The following VTI1A variants were observed in gnomAD, a reference collection of about 807,000 sequenced individuals.
The protein encoded by VTI1A is vesicle transport through interaction with t-SNAREs homolog 1A.
VTI1A carries 22 observed loss-of-function variants against 34.9 expected under a neutral mutation model. The ratio of observed to expected loss-of-function variants is 0.63; its 90% CI spans 0.45 to 0.90. The LOEUF (loss-of-function observed/expected upper bound fraction) is 0.90. Ranked by LOEUF, VTI1A falls within the 40% of genes least tolerant of loss-of-function variation. The probability of loss-of-function intolerance (pLI) is 0.00; values close to 1 mark genes in which losing one functional copy is unlikely to be tolerated. For missense variants in VTI1A, 268 were observed against 275.6 expected, an observed-to-expected ratio of 0.97 and a Z score of 0.20; for synonymous variants, 87 against 97.3, an observed-to-expected ratio of 0.89 and a Z score of 0.62.
chr10:112,554,678 A>G (rs1851483581), intron 5 of VTI1A, among the ~76,000 whole-genome samples: 2 of 152,124 alleles, frequency 1.3e-5, no homozygotes, highest in African/African-American at 4.8e-5. Context: ...AAAATTATAG[A>G]TAATTTGTCC....
At chr10:112,687,219 CTTTTTTTTTTTTTTTTTT>C (rs71303594) in intron 7 of VTI1A, among the ~76,000 whole-genome samples, 1 of 84,566 alleles carries the variant, frequency 1.2e-5, no homozygotes, top group African/African-American at 5.7e-5. Flanking sequence ...CATACTACAA[CTTTTTTTTTTTTTTTTTT>C]TTTTTTTTTT....
chr10:112,635,016 T>C (rs887678646), intron 5 of VTI1A, among the ~76,000 whole-genome samples: 1 of 152,206 alleles, frequency 6.6e-6, no homozygotes, highest in Non-Finnish European at 1.5e-5. Context: ...TTAGAGGAGC[T>C]AATTCTAGGA....
intron 5 of VTI1A, among the ~76,000 whole-genome samples, chr10:112,594,094 G>A (rs1589949810): frequency 6.6e-6 from 1 of 151,912 alleles, no homozygotes; most frequent in African/African-American, 2.4e-5. Context: ...TGTATTTTTA[G>A]TAGAGTCGGG....
intron 5 of VTI1A, among the ~76,000 whole-genome samples, chr10:112,618,516 T>TAGAGAGAGAGAGAGAGAGAGAGAGAG (rs1295144968): frequency 1.1e-4 from 5 of 46,418 alleles, no homozygotes; most frequent in East Asian, 1.7e-3. Flanking sequence ...TATATATATA[T>TAGAGAGAGAGAGAGAGAGAGAGAGAG]ATATATATAG....
intron 3 of VTI1A, among the ~76,000 whole-genome samples, chr10:112,504,709 T>A (rs986810261): frequency 1.3e-5 from 2 of 152,196 alleles, no homozygotes; most frequent in Non-Finnish European, 2.9e-5. Context: ...CTTTCATAGT[T>A]GTCCTCTATG....
intron 4 of VTI1A, among the ~76,000 whole-genome samples, chr10:112,531,199 A>G (rs1167234947): frequency 2.0e-5 from 3 of 152,070 alleles, no homozygotes. Context: ...AAGAGATTCC[A>G]CTGGTTCAAA....
At chr10:112,517,829 CTACAGCCT>C (rs1465956363) in intron 3 of VTI1A, among the ~76,000 whole-genome samples, 23 of 152,034 alleles carry the variant, frequency 1.5e-4, no homozygotes, top group African/African-American at 5.6e-4. Flanking sequence ...TGAGAAACTA[CTACAGCCT>C]AAGAAGTCAT....
rs147442834 is a variant in VTI1A, at chr10:112,693,840, C to T, written c.560+24842C>T. Among the ~76,000 whole-genome samples the T allele has an allele frequency of 2.5e-3, 381 of 152,266 alleles. 3 individuals are homozygous for T. Among genetic ancestry groups the T allele is most frequent in the African/African-American group, 8.8e-3 (364 of 41,554 alleles). ...AAGAGCCTGTACACATTCAGAGTCT[C>T]CACGGGATCACTGTGCCCTCAGTCT... On this transcript the variant is annotated intron_variant, in intron 7 of 7. Coordinates refer to ENST00000393077, the MANE Select transcript of VTI1A (RefSeq NM_145206.4).
At chr10:112,841,863 T>C in the VTI1A span, among the ~76,000 whole-genome samples, 1 of 152,100 alleles carries the variant, frequency 6.6e-6, no homozygotes, top group Non-Finnish European at 1.5e-5. Context: ...AGTCTTCCAA[T>C]AAATCCCGTC....
intron 3 of VTI1A, among the ~76,000 whole-genome samples, chr10:112,497,084 G>A (rs570594773): frequency 1.3e-5 from 2 of 152,240 alleles, no homozygotes; most frequent in Non-Finnish European, 2.9e-5. Context: ...TTGGGAGGCC[G>A]AGGCAGGCGG....
At chr10:112,838,788 A>C in the VTI1A span, among the ~76,000 whole-genome samples, 1 of 152,222 alleles carries the variant, frequency 6.6e-6, no homozygotes, top group Non-Finnish European at 1.5e-5. Context: ...AAAGGTTGTC[A>C]GATCTGGGTG....
chr10:112,785,141 T>C (rs974881089), intron 7 of VTI1A, among the ~76,000 whole-genome samples: 2 of 152,212 alleles, frequency 1.3e-5, no homozygotes, highest in African/African-American at 4.8e-5. Context: ...TTCCCACACA[T>C]GCCAGTGGTG....
intron 1 of VTI1A, among the ~76,000 whole-genome samples, chr10:112,453,528 C>T (rs563951976): frequency 1.3e-5 from 2 of 152,184 alleles, no homozygotes; most frequent in South Asian, 4.2e-4. Context: ...CTCATAGATA[C>T]CTATTTTATC....
chr10:112,562,589 A>G (rs1325021441), intron 5 of VTI1A, among the ~76,000 whole-genome samples: 2 of 152,042 alleles, frequency 1.3e-5, no homozygotes, highest in Non-Finnish European at 2.9e-5. Context: ...TTTTATAACA[A>G]CATCTGAGTG....
At chr10:112,491,709 T>C (rs1376188913) in intron 3 of VTI1A, among the ~76,000 whole-genome samples, 1 of 152,220 alleles carries the variant, frequency 6.6e-6, no homozygotes, top group Non-Finnish European at 1.5e-5. Context: ...GAGTCCAATA[T>C]ATGTTTTACA....
intron 5 of VTI1A, among the ~76,000 whole-genome samples, chr10:112,607,209 C>A (rs1353868313): frequency 6.6e-6 from 1 of 151,844 alleles, no homozygotes; most frequent in Non-Finnish European, 1.5e-5. Context: ...ATCACTTGAA[C>A]CCGGGAGGCA....
intron 3 of VTI1A, among the ~76,000 whole-genome samples, chr10:112,519,882 T>C (rs997584051): frequency 6.6e-6 from 1 of 152,030 alleles, no homozygotes; most frequent in Non-Finnish European, 1.5e-5. Context: ...TATGGACAGA[T>C]TTTCAATGAA....
At chr10:112,677,391 T>A (rs1037570701) in intron 7 of VTI1A, among the ~76,000 whole-genome samples, 1 of 152,222 alleles carries the variant, frequency 6.6e-6, no homozygotes, top group Non-Finnish European at 1.5e-5. Flanking sequence ...TCACAAGACA[T>A]GAACATCATC....
upstream of VTI1A, chr10:112,447,102 T>TG: frequency 8.4e-6 from 4 of 475,682 alleles, no homozygotes; most frequent in Non-Finnish European, 1.6e-5. Flanking sequence ...TACGCTTTTC[T>TG]GGGGGGAGGC....
Sources: allele counts gnomAD v4.1 joint callset (sites outside exome capture counted in the v4.1 genomes callset), GRCh38; gene constraint gnomAD v4.1.1; transcripts MANE v1.5; gene names NCBI Gene and HGNC (gene_info 2026-07-23, HGNC 2026-07-21).